Variants in ANGPT1 observed in about 807,000 individuals in gnomAD.
ANGPT1 encodes the protein angiopoietin-1.
In ANGPT1, 17 loss-of-function variants were observed where a neutral mutation model predicts 62.2. The observed-to-expected ratio is 0.27, with a 90% CI of 0.19 to 0.41. The LOEUF is 0.41. ANGPT1 is among the 10% of genes least tolerant of loss of function. ANGPT1 has a pLI of 1.00. For missense variants in ANGPT1, 478 were observed against 594.9 expected (o/e 0.80, Z 2.04); for synonymous variants, 199 against 198.9 (o/e 1.00, Z 0.00).
intron 1 of ANGPT1, among the ~76,000 whole-genome samples, chr8:107,392,988 GCAGCAGATTC>G (rs1322611705): frequency 1.2e-4 from 19 of 152,160 alleles, no homozygotes; most frequent in African/African-American, 3.4e-4. Flanking sequence ...TTTGATTATG[GCAGCAGATTC>G]CATCTTTTTA....
intron 1 of ANGPT1, among the ~76,000 whole-genome samples, chr8:107,457,401 C>T (rs984030944): frequency 6.6e-6 from 1 of 151,864 alleles, no homozygotes; most frequent in Non-Finnish European, 1.5e-5. Context: ...ACCAACTAAC[C>T]AAGCTGTCAT....
At chr8:107,448,896 T>C (rs1466023090) in intron 1 of ANGPT1, among the ~76,000 whole-genome samples, 1 of 152,040 alleles carries the variant, frequency 6.6e-6, no homozygotes, top group Non-Finnish European at 1.5e-5. Context: ...ACGGGCCAAG[T>C]TTGGACACAG....
chr8:107,360,393 C>T (rs927392633), intron 1 of ANGPT1, among the ~76,000 whole-genome samples: 1 of 152,124 alleles, frequency 6.6e-6, no homozygotes, highest in African/African-American at 2.4e-5. Context: ...ATGATCAGGA[C>T]TACAGAGCCC....
At chr8:107,421,136 G>C (rs1447778551) in intron 1 of ANGPT1, among the ~76,000 whole-genome samples, 1 of 152,068 alleles carries the variant, frequency 6.6e-6, no homozygotes, top group Non-Finnish European at 1.5e-5. Flanking sequence ...TTGGTAGAGT[G>C]AAAACGATTT....
intron 6 of ANGPT1, among the ~76,000 whole-genome samples, chr8:107,290,683 C>G (rs1814252451): frequency 6.6e-6 from 1 of 152,082 alleles, no homozygotes; most frequent in African/African-American, 2.4e-5. Context: ...AATGTTGGAG[C>G]TTATCTCATT....
chr8:107,301,966 C>T (rs1467498769), intron 5 of ANGPT1, among the ~76,000 whole-genome samples: 1 of 151,880 alleles, frequency 6.6e-6, no homozygotes, highest in Non-Finnish European at 1.5e-5. Flanking sequence ...GGATTCATTT[C>T]CTTTGCCTAT....
At chr8:107,259,796 ACTC>A (rs1248230957) in intron 8 of ANGPT1, among the ~76,000 whole-genome samples, 1 of 151,780 alleles carries the variant, frequency 6.6e-6, no homozygotes, top group Non-Finnish European at 1.5e-5. Context: ...GACTTTGAAA[ACTC>A]CTAATTTAGT....
chr8:107,302,169 T>G (rs1225307396), intron 5 of ANGPT1, among the ~76,000 whole-genome samples: 1 of 151,916 alleles, frequency 6.6e-6, no homozygotes, highest in Non-Finnish European at 1.5e-5. Context: ...CTCTGCCTTT[T>G]AGAACTCTGG....
At chr8:107,320,531 T>G (rs938158407) in intron 4 of ANGPT1, among the ~76,000 whole-genome samples, 12 of 152,066 alleles carry the variant, frequency 7.9e-5, no homozygotes, top group African/African-American at 2.7e-4. Context: ...TACTCATGAG[T>G]TCTATTAAAA....
intron 3 of ANGPT1, among the ~76,000 whole-genome samples, chr8:107,327,541 A>C (rs1376488306): frequency 1.3e-5 from 2 of 152,158 alleles, no homozygotes; most frequent in African/African-American, 4.8e-5. Flanking sequence ...AAGCAAAATA[A>C]GAGTTTCATT....
chr8:107,321,852 G>A (rs1163939441), intron 4 of ANGPT1, 44 bp downstream of exon 4: 3 of 1,541,530 alleles, frequency 1.9e-6, no homozygotes, highest in Non-Finnish European at 2.7e-6. Context: ...TTGATCAAAG[G>A]AAATAAAATA....
rs148742634 is a variant in ANGPT1, at chr8:107,457,825, T to TACACACAC, written c.297+39429_297+39436dup. 2.4e-3 allele frequency among the ~76,000 whole-genome samples: 194 copies of TACACACAC among 81,752 alleles called. 1 individual carries two copies. The highest frequency in any genetic ancestry group is 2.4e-3 in the African/African-American group (56 of 23,652). The allele number at this position is 81,752 out of a possible 152,430, so 53.6% of individuals were successfully genotyped here. ...TCACACTCACCCCACACATACCCACTACACACACACACACACACACACACA... is the reference window on the plus strand; with the variant it reads ...TCACACTCACCCCACACATACCCACTACACACACACACACACACACACACACACACACA... On this transcript the variant is annotated intron_variant, in intron 1 of 8. Transcript: ENST00000517746.
At chr8:107,466,067 A>G (rs1812190934) in intron 1 of ANGPT1, among the ~76,000 whole-genome samples, 2 of 152,204 alleles carry the variant, frequency 1.3e-5, no homozygotes, top group African/African-American at 4.8e-5. Context: ...GGGGCATTGT[A>G]ATGTGGATTG....
At chr8:107,310,020 T>C (rs1814811486) in intron 4 of ANGPT1, among the ~76,000 whole-genome samples, 1 of 152,188 alleles carries the variant, frequency 6.6e-6, no homozygotes, top group Non-Finnish European at 1.5e-5. Flanking sequence ...ATCTAGTGAA[T>C]TATTATTTTA....
intron 1 of ANGPT1, among the ~76,000 whole-genome samples, chr8:107,373,635 G>A (rs1654713): frequency 6.6e-6 from 1 of 151,764 alleles, no homozygotes; most frequent in South Asian, 2.1e-4. Flanking sequence ...TAAGTTCTAC[G>A]ATGATGGAAG....
intron 1 of ANGPT1, among the ~76,000 whole-genome samples, chr8:107,466,441 A>G (rs187859957): frequency 2.4e-4 from 36 of 152,162 alleles, no homozygotes; most frequent in Middle Eastern, 3.4e-3. Flanking sequence ...GTTTTACCCT[A>G]CTAAAAGCTA....
intron 8 of ANGPT1, among the ~76,000 whole-genome samples, chr8:107,260,776 C>G (rs982909187): frequency 6.6e-6 from 1 of 152,116 alleles, no homozygotes; most frequent in Non-Finnish European, 1.5e-5. Context: ...CTATTCCAGC[C>G]CAAGCAATAA....
At chr8:107,435,958 A>G (rs1811321757) in intron 1 of ANGPT1, among the ~76,000 whole-genome samples, 1 of 152,346 alleles carries the variant, frequency 6.6e-6, no homozygotes, top group African/African-American at 2.4e-5. Context: ...GCTAGAGTGC[A>G]GTGGCCTAAT....
In ANGPT1 at chr8:107,497,744, T is replaced by G; in HGVS notation, c.-186A>C. The G allele has an allele frequency of 3.1e-6, 2 of 654,324 alleles. No individual in the cohort carries two copies. Among genetic ancestry groups the G allele is most frequent in the Non-Finnish European group, 5.1e-6 (2 of 395,744 alleles). The allele number at this position is 654,324 out of a possible 1,614,324, so 40.5% of individuals were successfully genotyped here. A position where few individuals can be genotyped will look rare whatever the true frequency, so the allele number is the denominator to read the frequency against. ...TTAGCTTTGTTCTAAAATTTTAAAATTTTTTATTTCACTGCAATGATGTTT... is the reference window on the plus strand; with the variant it reads ...TTAGCTTTGTTCTAAAATTTTAAAAGTTTTTATTTCACTGCAATGATGTTT... On this transcript the variant is annotated 5_prime_UTR_variant, in exon 1 of 9. Coordinates refer to ENST00000517746, the MANE Select transcript of ANGPT1 (RefSeq NM_001146.5).
Sources: gnomAD v4.1 joint callset for allele counts (sites outside exome capture counted in the v4.1 genomes callset) on GRCh38, gnomAD v4.1.1 for gene constraint, MANE v1.5 for transcripts, NCBI Gene and HGNC (gene_info 2026-07-23, HGNC 2026-07-21) for gene names.